The following UBR1 variants were observed in gnomAD, a reference collection of about 807,000 sequenced individuals.
The protein encoded by UBR1 is ubiquitin protein ligase E3 component n-recognin 1, also known as E3 ubiquitin-protein ligase UBR1.
UBR1 carries 102 observed loss-of-function variants against 242.1 expected under a neutral mutation model. That is an observed-to-expected ratio of 0.42 (90% CI 0.36 to 0.50). The LOEUF (loss-of-function observed/expected upper bound fraction) is 0.50. Ranked by LOEUF, UBR1 falls within the 20% of genes least tolerant of loss-of-function variation. The probability of loss-of-function intolerance (pLI) is 0.01; values close to 1 mark genes in which losing one functional copy is unlikely to be tolerated. For missense variants in UBR1, 1,772 were observed against 2,101.8 expected, an observed-to-expected ratio of 0.84 and a Z score of 3.07; for synonymous variants, 675 against 684.8, an observed-to-expected ratio of 0.99 and a Z score of 0.22.
intron 39 of UBR1, among the ~76,000 whole-genome samples, chr15:42,971,372 G>A (rs534927112): frequency 6.6e-6 from 1 of 152,150 alleles, no homozygotes; most frequent in Non-Finnish European, 1.5e-5. Context: ...AACCCTTCCA[G>A]CAACTGCCAA....
chr15:43,002,334 C>G (rs1194706953), intron 32 of UBR1, among the ~76,000 whole-genome samples: 3 of 152,014 alleles, frequency 2.0e-5, no homozygotes, highest in Non-Finnish European at 4.4e-5. Flanking sequence ...CCACCTCAGC[C>G]CCCTCAAGTA....
chr15:42,979,872 A>T (rs1461640420), intron 37 of UBR1, among the ~76,000 whole-genome samples: 2 of 152,134 alleles, frequency 1.3e-5, no homozygotes, highest in Non-Finnish European at 2.9e-5. Context: ...TATGAATTTA[A>T]AGCACTTATC....
In UBR1 at chr15:43,083,818, G is replaced by A. The variant is rs1012275894; in HGVS notation, c.339-1102C>T. 2.6e-5 allele frequency among the ~76,000 whole-genome samples: 4 copies of A among 151,878 alleles called. 1 individual carries two copies. The highest frequency in any genetic ancestry group is 4.2e-4 in the South Asian group (2 of 4,806). On this transcript the variant is annotated intron_variant, in intron 2 of 46. Coordinates refer to ENST00000290650, the MANE Select transcript of UBR1 (RefSeq NM_174916.3). ...AGCACTATGGGAGGCCAAGGTGGGCGGATCACCTGAGGTCGGGAGTTCCAG... is the reference window on the plus strand; with the variant it reads ...AGCACTATGGGAGGCCAAGGTGGGCAGATCACCTGAGGTCGGGAGTTCCAG...
At chr15:42,966,883 G>T (rs62020701) in intron 40 of UBR1, among the ~76,000 whole-genome samples, 3 of 151,896 alleles carry the variant, frequency 2.0e-5, no homozygotes, top group South Asian at 2.1e-4. Context: ...AAAGGAACTT[G>T]ACTCTTAAAT....
intron 39 of UBR1, among the ~76,000 whole-genome samples, chr15:42,973,229 C>G (rs1226493532): frequency 1.3e-5 from 2 of 152,152 alleles, no homozygotes; most frequent in Non-Finnish European, 2.9e-5. Flanking sequence ...AACTCCTGGG[C>G]TCAAGCAATC....
At chr15:43,076,374 G>A (rs1046206043) in intron 3 of UBR1, among the ~76,000 whole-genome samples, 19 of 152,162 alleles carry the variant, frequency 1.2e-4, no homozygotes, top group African/African-American at 3.9e-4. Context: ...CCAAAGTGCC[G>A]AGATTGCAGC....
intron 27 of UBR1, 133 bp from the exon 28 acceptor site, chr15:43,017,314 GA>G (rs530528488): frequency 1.5e-6 from 1 of 663,212 alleles, no homozygotes; most frequent in South Asian, 1.7e-5. Flanking sequence ...AATATATGAA[GA>G]AAAAAAGTGA....
chr15:43,104,916 A>G (rs2034278800), intron 1 of UBR1, among the ~76,000 whole-genome samples: 1 of 152,148 alleles, frequency 6.6e-6, no homozygotes, highest in South Asian at 2.1e-4. Context: ...CTGAGGCAGG[A>G]GAATTCCTGA....
intron 3 of UBR1, among the ~76,000 whole-genome samples, chr15:43,075,569 C>T (rs2033877649): frequency 1.3e-5 from 2 of 151,934 alleles, no homozygotes; most frequent in South Asian, 4.2e-4. Flanking sequence ...AGGTATATCT[C>T]CCAATGCTAT....
intron 6 of UBR1, among the ~76,000 whole-genome samples, chr15:43,066,489 T>C (rs1190289839): frequency 6.6e-6 from 1 of 152,236 alleles, no homozygotes; most frequent in African/African-American, 2.4e-5. Context: ...TTTTTTCTAA[T>C]TCTGTGAAGA....
intron 29 of UBR1, among the ~76,000 whole-genome samples, chr15:43,012,681 A>C (rs533645536): frequency 6.6e-5 from 10 of 152,324 alleles, no homozygotes; most frequent in African/African-American, 2.4e-4. Flanking sequence ...TTAATACATA[A>C]TATCTAGAGG....
chr15:43,086,454 A>G (rs866336526), intron 1 of UBR1, among the ~76,000 whole-genome samples: 3 of 151,812 alleles, frequency 2.0e-5, no homozygotes, highest in Admixed American at 6.6e-5. Flanking sequence ...AAAAAAAAAA[A>G]AAGAAGAGTA....
At chr15:43,021,668 T>G (rs769394706) in intron 26 of UBR1, among the ~76,000 whole-genome samples, 2 of 152,228 alleles carry the variant, frequency 1.3e-5, no homozygotes, top group Non-Finnish European at 2.9e-5. Context: ...TTCAGTACAG[T>G]GACAACCATC....
chr15:43,067,874 G>A lies in UBR1; in HGVS notation c.798+24C>T, dbSNP rs142795257. On this transcript the variant is annotated intron_variant, in intron 6 of 46. Coordinates refer to ENST00000290650, the MANE Select transcript of UBR1 (RefSeq NM_174916.3). ...CAGGAAGCTGACAGAAAACAGAAAC[G>A]CAATTCAAAAGGAGACCACAAACCT... The A allele has an allele frequency of 1.9e-3, 2,991 of 1,613,702 alleles. 5 individuals are homozygous for A. Among genetic ancestry groups the A allele is most frequent in the Non-Finnish European group, 2.3e-3 (2,743 of 1,179,858 alleles).
At chr15:42,983,726 A>G (rs2032416931) in intron 37 of UBR1, among the ~76,000 whole-genome samples, 171 bp downstream of exon 37, 1 of 149,750 alleles carries the variant, frequency 6.7e-6, no homozygotes, top group African/African-American at 2.4e-5. Context: ...AGAGGCAGCT[A>G]TGTGTTTATC....
intron 21 of UBR1, among the ~76,000 whole-genome samples, chr15:43,028,370 G>C (rs1251166075): frequency 1.3e-5 from 2 of 152,024 alleles, no homozygotes; most frequent in African/African-American, 2.4e-5. Context: ...TTAAAATTAA[G>C]ATAAGGACCT....
chr15:43,091,830 G>A, intron 1 of UBR1: 1 of 319,314 alleles, frequency 3.1e-6, no homozygotes, highest in Non-Finnish European at 6.1e-6. Context: ...TACTCAGGAG[G>A]CTGAGGCAGG....
At chr15:43,005,575 C>T (rs1009009768) in intron 30 of UBR1, among the ~76,000 whole-genome samples, 1 of 151,818 alleles carries the variant, frequency 6.6e-6, no homozygotes, top group Non-Finnish European at 1.5e-5. Context: ...CCGGCCACCA[C>T]CCCGTCTGGG....
At chr15:43,055,686 T>G (rs935152965) in intron 11 of UBR1, among the ~76,000 whole-genome samples, 2 of 152,018 alleles carry the variant, frequency 1.3e-5, no homozygotes, top group Non-Finnish European at 2.9e-5. Flanking sequence ...AGGCTAAGGC[T>G]GGCAGATCAC....
Sources: allele counts gnomAD v4.1 joint callset (sites outside exome capture counted in the v4.1 genomes callset), GRCh38; gene constraint gnomAD v4.1.1; transcripts MANE v1.5; gene names NCBI Gene and HGNC (gene_info 2026-07-23, HGNC 2026-07-21).